The following HS6ST3 variants were observed in gnomAD, a reference collection of about 807,000 sequenced individuals.
HS6ST3 encodes heparan sulfate 6-O-sulfotransferase 3.
HS6ST3 carries 12 observed loss-of-function variants against 36.7 expected under a neutral mutation model. The observed-to-expected ratio is 0.33, with a 90% CI of 0.21 to 0.53. The LOEUF (loss-of-function observed/expected upper bound fraction) is 0.53, where lower values mean the gene tolerates loss of function less well. Ranked by LOEUF, HS6ST3 falls within the 20% of genes least tolerant of loss-of-function variation. HS6ST3 has a pLI of 0.95. For synonymous variants in HS6ST3, 240 were observed against 257.5 expected (o/e 0.93, Z 0.65); for missense variants, 584 against 640.9 (o/e 0.91, Z 0.96).
intron 1 of HS6ST3, among the ~76,000 whole-genome samples, chr13:96,137,226 C>T (rs1191574356): frequency 1.5e-5 from 2 of 132,828 alleles, no homozygotes; most frequent in Non-Finnish European, 3.1e-5. Context: ...TTTGCCTGTC[C>T]TTGGGCTTCA....
chr13:96,332,942 C>A (rs1199484821), intron 1 of HS6ST3, among the ~76,000 whole-genome samples: 1 of 152,210 alleles, frequency 6.6e-6, no homozygotes, highest in East Asian at 1.9e-4. Context: ...GCTAGATCAG[C>A]CTTTCCACCA....
intron 1 of HS6ST3, among the ~76,000 whole-genome samples, chr13:96,578,410 C>T (rs181547696): frequency 1.4e-4 from 21 of 152,272 alleles, no homozygotes; most frequent in Admixed American, 2.6e-4. Flanking sequence ...GAATTGCCTT[C>T]CACACACTTG....
In HS6ST3 at chr13:96,489,375, A is replaced by AACACACACACAC. The variant is rs67334904; in HGVS notation, c.708-343097_708-343086dup. On this transcript the variant is annotated intron_variant, in intron 1 of 1. Coordinates refer to ENST00000376705, the MANE Select transcript of HS6ST3 (RefSeq NM_153456.4). ...GCAGGAATATTTTTCTGTATATACA[A>AACACACACACAC]ACACACACACACACACACACACACA... is the stretch of plus-strand genomic sequence containing the variant. Among the ~76,000 whole-genome samples, 830 of 148,078 alleles carry AACACACACACAC rather than the reference A, an allele frequency of 5.6e-3. 11 individuals carry two copies. Among genetic ancestry groups the AACACACACACAC allele is most frequent in the African/African-American group, 0.02 (796 of 40,306 alleles).
At chr13:96,159,523 A>G (rs145226924) in intron 1 of HS6ST3, among the ~76,000 whole-genome samples, 189 of 152,324 alleles carry the variant, frequency 1.2e-3, no homozygotes, top group South Asian at 3.9e-3. Context: ...TGTTTCTCAT[A>G]TAATCAATAT....
chr13:96,663,065 C>G (rs1045710714), intron 1 of HS6ST3, among the ~76,000 whole-genome samples: 2 of 152,106 alleles, frequency 1.3e-5, no homozygotes, highest in African/African-American at 4.8e-5. Context: ...AAAAGCTGGA[C>G]CGCTGTGCTC....
In HS6ST3 at chr13:96,825,054, G is replaced by A. The variant is rs539460791; in HGVS notation, c.708-7436G>A. Among the ~76,000 whole-genome samples the A allele has an allele frequency of 1.2e-4, 18 of 152,308 alleles. No homozygotes were observed. In the East Asian group the frequency reaches 1.9e-3, roughly 16 times the overall value. ...GGGAGAAATCCCTTCCACGGAGGAC[G>A]TGAGAGCAGGCTGGGTGGAGGAGTT... On this transcript the variant is annotated intron_variant, in intron 1 of 1. Coordinates refer to ENST00000376705, the MANE Select transcript of HS6ST3 (RefSeq NM_153456.4).
chr13:96,341,176 A>C (rs1700381662), intron 1 of HS6ST3, among the ~76,000 whole-genome samples: 1 of 152,212 alleles, frequency 6.6e-6, no homozygotes, highest in African/African-American at 2.4e-5. Context: ...AGTGGTATAA[A>C]ATATGAATAT....
At chr13:96,706,928 A>G (rs1303604493) in intron 1 of HS6ST3, among the ~76,000 whole-genome samples, 3 of 152,198 alleles carry the variant, frequency 2.0e-5, no homozygotes, top group Non-Finnish European at 2.9e-5. Flanking sequence ...CTGACTTTGC[A>G]TTAGAATAAT....
chr13:96,813,311 G>A (rs1878358260), intron 1 of HS6ST3, among the ~76,000 whole-genome samples: 1 of 152,082 alleles, frequency 6.6e-6, no homozygotes, highest in African/African-American at 2.4e-5. Context: ...ATGTTACTTG[G>A]ACTGAATGGA....
intron 1 of HS6ST3, among the ~76,000 whole-genome samples, chr13:96,159,373 T>C (rs6492833): frequency 0.85 from 129,916 of 152,164 alleles, 55,743 homozygotes; most frequent in East Asian, 0.91. Context: ...TTGTTGTTTG[T>C]TTTTTAAAAG....
rs149171971 is a variant in HS6ST3 at position 96,441,857 on chromosome 13, A to C, written c.707+350288A>C. Among the ~76,000 whole-genome samples the C allele has an allele frequency of 3.3e-5, 5 of 152,300 alleles. No homozygotes were observed. The East Asian group carries it at 9.7e-4, about 29-fold the overall frequency. ...CAAGAGAAAAAGATAAGACACAGAA[A>C]TCAATCTATAAATGTTCAATGTTCA... On this transcript the variant is annotated intron_variant, in intron 1 of 1. Transcript: ENST00000376705.
chr13:96,385,969 A>G (rs1223206420), intron 1 of HS6ST3, among the ~76,000 whole-genome samples: 1 of 152,190 alleles, frequency 6.6e-6, no homozygotes, highest in East Asian at 1.9e-4. Flanking sequence ...AGAAAAACAC[A>G]CAAACCAAAG....
intron 1 of HS6ST3, among the ~76,000 whole-genome samples, chr13:96,538,649 G>A (rs2056165469): frequency 2.0e-5 from 3 of 152,050 alleles, no homozygotes; most frequent in Non-Finnish European, 2.9e-5. Flanking sequence ...TTGCCATGTT[G>A]GCCAGGCTAG....
chr13:96,707,122 A>G (rs994261670), intron 1 of HS6ST3, among the ~76,000 whole-genome samples: 29 of 152,090 alleles, frequency 1.9e-4, no homozygotes, highest in African/African-American at 6.5e-4. Context: ...CAGAACTCAT[A>G]TGTTTAAACT....
At chr13:96,806,381 A>C (rs564881515) in intron 1 of HS6ST3, among the ~76,000 whole-genome samples, 1 of 152,362 alleles carries the variant, frequency 6.6e-6, no homozygotes, top group African/African-American at 2.4e-5. Context: ...ATGACCTAGT[A>C]ATAGATACTG....
At chr13:96,409,731 A>G (rs781312232) in intron 1 of HS6ST3, among the ~76,000 whole-genome samples, 4 of 152,184 alleles carry the variant, frequency 2.6e-5, no homozygotes, top group African/African-American at 7.2e-5. Context: ...GGATCTATCT[A>G]TTTTGCAGAT....
At chr13:96,248,545 C>G (rs1461828347) in intron 1 of HS6ST3, among the ~76,000 whole-genome samples, 1 of 152,108 alleles carries the variant, frequency 6.6e-6, no homozygotes, top group Non-Finnish European at 1.5e-5. Flanking sequence ...GTACTGCATA[C>G]AAACATACTC....
chr13:96,762,330 A>T (rs1876990136), intron 1 of HS6ST3, among the ~76,000 whole-genome samples: 1 of 152,156 alleles, frequency 6.6e-6, no homozygotes, highest in Non-Finnish European at 1.5e-5. Flanking sequence ...ATATAAAAAA[A>T]TTAGCTGGGC....
rs902517496 is a variant in HS6ST3, at chr13:96,835,828, G to A, written c.*2630G>A. The A allele has an allele frequency of 6.6e-6, 1 of 152,254 alleles. No homozygotes were observed. The highest frequency in any genetic ancestry group is 2.4e-5 in the African/African-American group (1 of 41,450). 9.4% of individuals were successfully genotyped at this position (152,254 alleles called of 1,614,324 possible). On this transcript the variant is annotated 3_prime_UTR_variant, in exon 2 of 2. Transcript: ENST00000376705. The stretch of plus-strand genomic sequence containing the variant: ...TCAAAGGCTTCCACTGCCTTCTGCT[G>A]AAGGCATGATGTATGCGGCTCCACT...
Sources: allele counts gnomAD v4.1 joint callset (sites outside exome capture counted in the v4.1 genomes callset), GRCh38; gene constraint gnomAD v4.1.1; transcripts MANE v1.5; gene names NCBI Gene and HGNC (gene_info 2026-07-23, HGNC 2026-07-21).